PRSS55: variants seen among roughly 807,000 people sequenced by gnomAD.
PRSS55 encodes serine protease 55.
In PRSS55, 41 loss-of-function variants were observed where a neutral mutation model predicts 23.6. The observed-to-expected ratio is 1.74, with a 90% CI of 1.35 to 2.26. The LOEUF (loss-of-function observed/expected upper bound fraction) is 2.26. Among genes scored for constraint, PRSS55 ranks in the 30% most tolerant of loss-of-function variants. The pLI, the probability that PRSS55 is intolerant of heterozygous loss-of-function variation, is 0.00. For missense variants in PRSS55, 669 were observed against 439.1 expected (o/e 1.52, Z -4.68); for synonymous variants, 262 against 175.5 (o/e 1.49, Z -3.90).
chr8:10,551,776 C>T (rs1015846413), intron 4 of PRSS55, among the ~76,000 whole-genome samples: 1 of 152,186 alleles, frequency 6.6e-6, no homozygotes, highest in Non-Finnish European at 1.5e-5. Context: ...CACAAAAAAT[C>T]GCACTCCTCC....
intron 3 of PRSS55, 110 bp from the exon 4 acceptor site, chr8:10,532,796 G>A (rs117590239): frequency 0.011 from 14,664 of 1,374,598 alleles, 101 homozygotes; most frequent in Non-Finnish European, 0.012. Context: ...GCCTGTGAAG[G>A]AAGGGGATGG....
chr8:10,532,719 G>A (rs1812312739), intron 3 of PRSS55, among the ~76,000 whole-genome samples, 187 bp from the exon 4 acceptor site: 1 of 152,154 alleles, frequency 6.6e-6, no homozygotes, highest in Non-Finnish European at 1.5e-5. Context: ...CAGTAGCTGT[G>A]GGAGTTGTTG....
chr8:10,546,115 C>G (rs1402393193), intron 4 of PRSS55, among the ~76,000 whole-genome samples: 5 of 152,092 alleles, frequency 3.3e-5, no homozygotes, highest in African/African-American at 1.2e-4. Flanking sequence ...AACTAGGCTC[C>G]CCTGAGCTGA....
intron 1 of PRSS55, among the ~76,000 whole-genome samples, chr8:10,526,899 C>T (rs994148751): frequency 2.6e-5 from 4 of 152,148 alleles, no homozygotes; most frequent in South Asian, 2.1e-4. Flanking sequence ...TTCCCTAAAT[C>T]GTTTCGTGAA....
rs1263997815 is a variant in PRSS55 at position 10,538,457 on chromosome 8, C to G, written c.742-19C>G. Reference sequence around the variant, plus strand: ...GCTTAGAACCGGACTCCCTGCTGAGCTGTGTTCTCTGCCCACAGGGTGACA... The same window carrying G: ...GCTTAGAACCGGACTCCCTGCTGAGGTGTGTTCTCTGCCCACAGGGTGACA... On this transcript the variant is annotated intron_variant, in intron 4 of 4. Coordinates refer to ENST00000328655, the MANE Select transcript of PRSS55 (RefSeq NM_198464.4). 1.9e-6 allele frequency: 3 copies of G among 1,587,038 alleles called. No homozygotes were observed.
At chr8:10,545,639 A>G (rs1456754440) in intron 4 of PRSS55, among the ~76,000 whole-genome samples, 2 of 152,192 alleles carry the variant, frequency 1.3e-5, no homozygotes, top group African/African-American at 4.8e-5. Flanking sequence ...CAGGCTTTCT[A>G]AGGTATAAGA....
At chr8:10,553,323 T>A (rs1008114193) in intron 4 of PRSS55, among the ~76,000 whole-genome samples, 2 of 152,242 alleles carry the variant, frequency 1.3e-5, no homozygotes, top group Admixed American at 1.3e-4. Flanking sequence ...CCTCTTTTTT[T>A]AATAAATTAC....
chr8:10,531,925 C>T (rs781365533), intron 3 of PRSS55, among the ~76,000 whole-genome samples: 16 of 152,210 alleles, frequency 1.1e-4, no homozygotes, highest in South Asian at 2.1e-4. Context: ...TAGGCTCTGA[C>T]GGTCCTGGAG....
intron 4 of PRSS55, among the ~76,000 whole-genome samples, chr8:10,549,598 T>C (rs1194021230): frequency 6.6e-6 from 1 of 152,124 alleles, no homozygotes; most frequent in East Asian, 1.9e-4. Flanking sequence ...GGTTCTAAGA[T>C]GCGAAACAAG....
chr8:10,536,659 G>A (rs972670555), intron 4 of PRSS55, among the ~76,000 whole-genome samples: 6 of 151,518 alleles, frequency 4.0e-5, no homozygotes, highest in Admixed American at 2.0e-4. Flanking sequence ...TGTGATACAC[G>A]TACACTGTGG....
At chr8:10,549,391 G>A (rs976808396) in intron 4 of PRSS55, among the ~76,000 whole-genome samples, 1 of 152,228 alleles carries the variant, frequency 6.6e-6, no homozygotes, top group African/African-American at 2.4e-5. Flanking sequence ...CCTAGGAGGG[G>A]TGGCCTGTAG....
At chr8:10,546,397 AC>A in intron 4 of PRSS55, among the ~76,000 whole-genome samples, 1 of 151,922 alleles carries the variant, frequency 6.6e-6, no homozygotes, top group African/African-American at 2.4e-5. Context: ...TCCCTATCTC[AC>A]CCCTAAATCC....
chr8:10,528,321 C>A (rs773908342), intron 1 of PRSS55, among the ~76,000 whole-genome samples: 5 of 152,080 alleles, frequency 3.3e-5, no homozygotes, highest in African/African-American at 1.2e-4. Context: ...ATGACCACCA[C>A]AGGGTCACCC....
rs753193702 is a variant in PRSS55 at position 10,538,619 on chromosome 8, C to G, written c.885C>G (p.Ile295Met). 29 of 1,614,092 alleles carry G rather than the reference C, an allele frequency of 1.8e-5. No individual in the cohort carries two copies. Among genetic ancestry groups the G allele is most frequent in the Non-Finnish European group, 2.2e-5 (26 of 1,180,004 alleles). Residue 295 changes from isoleucine to methionine, a missense_variant, in exon 5 of 5, where the codon ATC becomes ATG. Coordinates refer to ENST00000328655, the MANE Select transcript of PRSS55 (RefSeq NM_198464.4). ...YTSLVNYNLW[I>M]EKVTQLEGRP... is the part of the protein sequence containing the mutation. ...CGTTGGTGAACTACAACCTCTGGAT[C>G]GAGAAAGTGACCCAGCTAGAGGGCA...
chr8:10,538,653 A>G lies in PRSS55; in HGVS notation c.919A>G (p.Asn307Asp), dbSNP rs748233564. The G allele has an allele frequency of 7.4e-6, 12 of 1,614,026 alleles. No individual in the cohort carries two copies. In the African/African-American group the frequency reaches 1.2e-4, roughly 16 times the overall value. Reference protein sequence around the residue: ...KVTQLEGRPFNAEKRRTSVKQ... With the variant: ...KVTQLEGRPFDAEKRRTSVKQ... ...GACCCAGCTAGAGGGCAGGCCCTTC[A>G]ATGCAGAGAAAAGGAGGACTTCTGT... is the stretch of plus-strand genomic sequence containing the variant. Residue 307 changes from asparagine (N) to aspartate (D), a missense_variant, in exon 5 of 5, where the codon AAT (asparagine) becomes GAT (aspartate). Physicochemically the swap from Asn to Asp is conservative, Grantham distance 23. Coordinates refer to ENST00000328655, the MANE Select transcript of PRSS55 (RefSeq NM_198464.4).
chr8:10,526,247 G>T (rs772948182), intron 1 of PRSS55, among the ~76,000 whole-genome samples: 7 of 152,210 alleles, frequency 4.6e-5, no homozygotes, highest in African/African-American at 7.2e-5. Flanking sequence ...ATTTCCCCAT[G>T]TTTAACGCCC....
At chr8:10,525,762 C>CA in intron 1 of PRSS55, 23 bp downstream of exon 1, 1 of 1,569,088 alleles carries the variant, frequency 6.4e-7, no homozygotes, top group Non-Finnish European at 8.7e-7. Flanking sequence ...GCAGAAGGGG[C>CA]ATGGATGGGG....
At chr8:10,551,195 G>C (rs1248211207) in intron 4 of PRSS55, among the ~76,000 whole-genome samples, 1 of 152,194 alleles carries the variant, frequency 6.6e-6, no homozygotes, top group Non-Finnish European at 1.5e-5. Context: ...CATGGCTGAA[G>C]GTTGAAAGGC....
At chr8:10,527,415 A>G (rs997141038) in intron 1 of PRSS55, among the ~76,000 whole-genome samples, 1 of 152,248 alleles carries the variant, frequency 6.6e-6, no homozygotes, top group Non-Finnish European at 1.5e-5. Context: ...TGGAGCTTAC[A>G]TTCTGGTACC....
Sources: gnomAD v4.1 joint callset for allele counts (sites outside exome capture counted in the v4.1 genomes callset) on GRCh38, gnomAD v4.1.1 for gene constraint, MANE v1.5 for transcripts, NCBI Gene and HGNC (gene_info 2026-07-23, HGNC 2026-07-21) for gene names.